Variants in CDCA2 observed in about 807,000 individuals in gnomAD.
The protein encoded by CDCA2 is cell division cycle-associated protein 2.
Under a neutral mutation model 67.0 loss-of-function variants are expected in CDCA2, and 44 were observed. That is an observed-to-expected ratio of 0.66 (90% confidence interval 0.52 to 0.84). The LOEUF (loss-of-function observed/expected upper bound fraction) is 0.84, where lower values mean the gene tolerates loss of function less well. Among genes scored for constraint, CDCA2 ranks in the 40% least tolerant of loss-of-function variants. CDCA2 has a pLI of 0.00. For missense variants in CDCA2, 1,253 were observed against 1,203.2 expected, an observed-to-expected ratio of 1.04 and a Z score of -0.61; for synonymous variants, 447 against 418.7, an observed-to-expected ratio of 1.07 and a Z score of -0.82.
chr8:25,470,003 A>C, intron 7 of CDCA2, 23 bp downstream of exon 7: 1 of 1,468,826 alleles, frequency 6.8e-7, no homozygotes, highest in South Asian at 1.2e-5. Flanking sequence ...TTCTTAGTAC[A>C]TGGCCAGTTG....
intron 6 of CDCA2, among the ~76,000 whole-genome samples, chr8:25,469,169 C>G (rs1022549887): frequency 6.6e-6 from 1 of 152,248 alleles, no homozygotes; most frequent in South Asian, 2.1e-4. Flanking sequence ...AACACCGTTA[C>G]AGTTGGAACC....
chr8:25,491,685 C>G (rs1445031698), intron 13 of CDCA2, among the ~76,000 whole-genome samples: 1 of 152,188 alleles, frequency 6.6e-6, no homozygotes, highest in Non-Finnish European at 1.5e-5. Flanking sequence ...GCTGTGGTCA[C>G]TGCTTACTGC....
intron 8 of CDCA2, among the ~76,000 whole-genome samples, chr8:25,480,553 C>G: frequency 6.6e-6 from 1 of 152,104 alleles, no homozygotes; most frequent in South Asian, 2.1e-4. Flanking sequence ...CCTTTTTTCT[C>G]GAAGCTCAGT....
chr8:25,462,685 T>C (rs1369041608), intron 4 of CDCA2, among the ~76,000 whole-genome samples: 4 of 119,830 alleles, frequency 3.3e-5, no homozygotes, highest in African/African-American at 1.2e-4. Context: ...TTTTTCTTTG[T>C]TTGCTTTGTT....
At chr8:25,506,445 T>A in intron 14 of CDCA2, 65 bp from the exon 15 acceptor site, 1 of 1,381,936 alleles carries the variant, frequency 7.2e-7, no homozygotes, top group Non-Finnish European at 9.7e-7. Flanking sequence ...GATTATTTAA[T>A]AAATGTAAAG....
Position 25,485,857 on chromosome 8 carries a change from A to G in CDCA2, c.1444+20A>G. 7.2e-7 allele frequency: 1 copy of G among 1,397,878 alleles called. No homozygotes were observed. Among genetic ancestry groups the G allele is most frequent in the Non-Finnish European group, 1.0e-6 (1 of 1,000,354 alleles). 86.6% of individuals were successfully genotyped at this position (1,397,878 alleles called of 1,614,324 possible). On this transcript the variant is annotated intron_variant, in intron 11 of 14. Transcript: ENST00000330560. Reference sequence around the variant, plus strand: ...TTTCAGGTAGTAACTTGTTTATCTTAAAATCATAAATGTCATTTTTTATAT... The same window carrying G: ...TTTCAGGTAGTAACTTGTTTATCTTGAAATCATAAATGTCATTTTTTATAT...
chr8:25,470,776 T>TA (rs1329680611), intron 7 of CDCA2, among the ~76,000 whole-genome samples: 7 of 151,954 alleles, frequency 4.6e-5, no homozygotes, highest in African/African-American at 7.3e-5. Flanking sequence ...CTTTTTTTTT[T>TA]TTTAAGGCAG....
At chr8:25,484,609 T>C (rs1803695765) in intron 10 of CDCA2, among the ~76,000 whole-genome samples, 2 of 130,428 alleles carry the variant, frequency 1.5e-5, no homozygotes, top group African/African-American at 6.1e-5. Context: ...TTTTTTTTTT[T>C]GAGATAGGGT....
At chr8:25,473,155 G>A (rs1221338335) in intron 7 of CDCA2, among the ~76,000 whole-genome samples, 1 of 152,168 alleles carries the variant, frequency 6.6e-6, no homozygotes, top group African/African-American at 2.4e-5. Context: ...ATCTCTTCCA[G>A]ATTCATCCAT....
chr8:25,495,421 C>CTTTG (rs1554526022), intron 13 of CDCA2, among the ~76,000 whole-genome samples: 1 of 148,120 alleles, frequency 6.8e-6, no homozygotes, highest in Non-Finnish European at 1.5e-5. Context: ...TGGGATAAAT[C>CTTTG]TTTTTTTTTT....
intron 7 of CDCA2, among the ~76,000 whole-genome samples, chr8:25,477,461 C>G (rs527976732): frequency 6.6e-6 from 1 of 152,118 alleles, no homozygotes; most frequent in African/African-American, 2.4e-5. Context: ...AATTCTGTAA[C>G]TTTTTGAGTG....
At chr8:25,478,878 TTGTG>T (rs58378145) in intron 7 of CDCA2, among the ~76,000 whole-genome samples, 32,074 of 139,688 alleles carry the variant, frequency 0.23, 3,671 homozygotes, top group East Asian at 0.34. Flanking sequence ...TAACTACTTG[TTGTG>T]TGTGTGTATA....
Position 25,468,450 on chromosome 8 carries a change from G to T in CDCA2, c.735+37G>T, listed in dbSNP as rs1373026882. ...ACTTTACGCATAGGAAAATGAAGTTGTTGGTTTTCTGCATAGGCAGTTTTA... is the reference window on the plus strand; with the variant it reads ...ACTTTACGCATAGGAAAATGAAGTTTTTGGTTTTCTGCATAGGCAGTTTTA... On this transcript the variant is annotated intron_variant, in intron 6 of 14. Transcript: ENST00000330560. The T allele has an allele frequency of 6.4e-6, 10 of 1,567,510 alleles. No homozygotes were observed. In the African/African-American group the frequency reaches 1.4e-4, roughly 21 times the overall value.
intron 13 of CDCA2, among the ~76,000 whole-genome samples, chr8:25,491,782 A>G (rs1423131706): frequency 6.7e-6 from 1 of 150,050 alleles, no homozygotes; most frequent in Non-Finnish European, 1.5e-5. Flanking sequence ...ACGCTTGGCT[A>G]GTGTTTTTTG....
intron 14 of CDCA2, 142 bp from the exon 15 acceptor site, chr8:25,506,368 G>A: frequency 4.5e-6 from 3 of 673,974 alleles, no homozygotes; most frequent in Non-Finnish European, 7.1e-6. Flanking sequence ...ATGACAGAAG[G>A]GCAAGCACAG....
At chr8:25,492,071 C>T (rs531479671) in intron 13 of CDCA2, among the ~76,000 whole-genome samples, 104 of 152,090 alleles carry the variant, frequency 6.8e-4, no homozygotes, top group Non-Finnish European at 1.1e-3. Context: ...GCTGGGATTA[C>T]AGGCGTGAGC....
chr8:25,469,999 G>A lies in CDCA2; in HGVS notation c.820+19G>A. The A allele has an allele frequency of 6.7e-7, 1 of 1,503,344 alleles. No individual in the cohort carries two copies. Among genetic ancestry groups the A allele is most frequent in the Non-Finnish European group, 9.2e-7 (1 of 1,084,256 alleles). 93.1% of individuals were successfully genotyped at this position (1,503,344 alleles called of 1,614,324 possible). A position where few individuals can be genotyped will look rare whatever the true frequency, so the allele number is the denominator to read the frequency against. ...TCAAATGGTAAGTAATCTTTTCTTA[G>A]TACATGGCCAGTTGCCCGATTCATA... is the stretch of plus-strand genomic sequence containing the variant. On this transcript the variant is annotated intron_variant, in intron 7 of 14. Transcript: ENST00000330560.
intron 10 of CDCA2, among the ~76,000 whole-genome samples, chr8:25,485,402 C>T (rs1182632730): frequency 6.6e-6 from 1 of 151,790 alleles, no homozygotes; most frequent in African/African-American, 2.4e-5. Flanking sequence ...TCTGGAGTTC[C>T]CTGAATAACA....
At chr8:25,492,140 G>C (rs191284241) in intron 13 of CDCA2, among the ~76,000 whole-genome samples, 1 of 150,134 alleles carries the variant, frequency 6.7e-6, no homozygotes, top group Non-Finnish European at 1.5e-5. Context: ...GGGTTGGGGG[G>C]TCTCACCTTG....
Sources: gnomAD v4.1 joint callset for allele counts (sites outside exome capture counted in the v4.1 genomes callset) on GRCh38, gnomAD v4.1.1 for gene constraint, MANE v1.5 for transcripts, NCBI Gene and HGNC (gene_info 2026-07-23, HGNC 2026-07-21) for gene names.